Variants in KIRREL1 observed in about 807,000 individuals in gnomAD.
The protein encoded by KIRREL1 is kirre like nephrin family adhesion molecule 1.
KIRREL1 carries 25 observed loss-of-function variants against 83.3 expected under a neutral mutation model. The ratio of observed to expected loss-of-function variants is 0.30; its 90% CI spans 0.22 to 0.42. KIRREL1 has a LOEUF of 0.42. KIRREL1 is among the 10% of genes least tolerant of loss of function. The pLI, the probability that KIRREL1 is intolerant of heterozygous loss-of-function variation, is 1.00. For synonymous variants in KIRREL1, 388 were observed against 410.4 expected, an observed-to-expected ratio of 0.95 and a Z score of 0.66; for missense variants, 812 against 1,032.3, an observed-to-expected ratio of 0.79 and a Z score of 2.92.
In KIRREL1 at chr1:157,998,851, C is replaced by T. The variant is rs147920892; in HGVS notation, c.52+5123C>T. ...GTAGGAGGTGAACTCCATACCAAAG[C>T]ATCAAAATTACCTTTTATTGAATTC... On this transcript the variant is annotated intron_variant, in intron 1 of 14. Transcript: ENST00000359209. Among the ~76,000 whole-genome samples the T allele has an allele frequency of 3.0e-3, 455 of 152,310 alleles. 1 individual carries two copies. Among genetic ancestry groups the T allele is most frequent in the African/African-American group, 0.011 (437 of 41,556 alleles).
intron 5 of KIRREL1, among the ~76,000 whole-genome samples, chr1:158,087,177 A>T (rs1662041219): frequency 6.6e-6 from 1 of 152,128 alleles, no homozygotes; most frequent in African/African-American, 2.4e-5. Flanking sequence ...TGACTATGGG[A>T]TGTGGCCCAG....
chr1:158,089,153 A>G, intron 8 of KIRREL1, among the ~76,000 whole-genome samples: 1 of 152,180 alleles, frequency 6.6e-6, no homozygotes, highest in East Asian at 1.9e-4. Context: ...TTGGGCCAGA[A>G]CTACAGGAAG....
chr1:158,038,704 T>C (rs1413111586), intron 1 of KIRREL1, among the ~76,000 whole-genome samples: 1 of 152,104 alleles, frequency 6.6e-6, no homozygotes, highest in Non-Finnish European at 1.5e-5. Context: ...TCTCACAAAC[T>C]GACGACTGAA....
intron 10 of KIRREL1, among the ~76,000 whole-genome samples, chr1:158,090,599 C>G (rs956507406): frequency 1.5e-4 from 23 of 152,286 alleles, no homozygotes; most frequent in African/African-American, 5.1e-4. Context: ...GCTGCTCCCC[C>G]TCCCTTAGGC....
At chr1:158,061,376 G>T (rs1199952259) in intron 1 of KIRREL1, among the ~76,000 whole-genome samples, 2 of 152,176 alleles carry the variant, frequency 1.3e-5, no homozygotes, top group African/African-American at 2.4e-5. Context: ...GAGGCGGAGG[G>T]ATGAGAGATC....
chr1:157,994,095 T>G (rs984654575), intron 1 of KIRREL1, among the ~76,000 whole-genome samples: 2 of 152,124 alleles, frequency 1.3e-5, no homozygotes, highest in Non-Finnish European at 2.9e-5. Context: ...GACGCCTGAG[T>G]CCAGCCTAAG....
chr1:157,999,040 C>T (rs1262564298), intron 1 of KIRREL1, among the ~76,000 whole-genome samples: 1 of 152,116 alleles, frequency 6.6e-6, no homozygotes, highest in Non-Finnish European at 1.5e-5. Context: ...TTCAGCCTGC[C>T]TAGAAGAGCC....
chr1:158,071,963 C>T (rs368794211), intron 1 of KIRREL1, among the ~76,000 whole-genome samples: 44 of 152,170 alleles, frequency 2.9e-4, no homozygotes, highest in African/African-American at 1.0e-3. Context: ...CCCCTTCCTG[C>T]TAACTGATCA....
rs1662298382 is a variant in KIRREL1 at position 158,094,486 on chromosome 1, G to A, written c.1797+96G>A. 1.4e-5 allele frequency: 19 copies of A among 1,375,136 alleles called. No homozygotes were observed. The South Asian group carries it at 1.7e-4, about 12-fold the overall frequency. The allele number at this position is 1,375,136 out of a possible 1,614,324, so 85.2% of individuals were successfully genotyped here. On this transcript the variant is annotated intron_variant, in intron 14 of 14. Coordinates refer to ENST00000359209, the MANE Select transcript of KIRREL1 (RefSeq NM_018240.7). The surrounding 1 kb of genome is among the most constrained non-coding windows in gnomAD (Gnocchi z 4.6). ...GAGGTGAGGTGAGGACAGACTTGGG[G>A]AGGAGTGGTTGGGAGGGTTTTTGAA...
intron 1 of KIRREL1, among the ~76,000 whole-genome samples, chr1:158,000,165 T>C (rs980616040): frequency 6.6e-6 from 1 of 152,106 alleles, no homozygotes; most frequent in African/African-American, 2.4e-5. Flanking sequence ...ACTGCATGCA[T>C]ATGCATATGC....
chr1:158,002,536 A>T (rs904516822), intron 1 of KIRREL1, among the ~76,000 whole-genome samples: 1 of 152,206 alleles, frequency 6.6e-6, no homozygotes, highest in Non-Finnish European at 1.5e-5. Context: ...TGTTCAACTT[A>T]TGAGCATTGT....
At chr1:158,024,021 A>G (rs141468981) in intron 1 of KIRREL1, among the ~76,000 whole-genome samples, 366 of 151,584 alleles carry the variant, frequency 2.4e-3, no homozygotes, top group African/African-American at 8.4e-3. Flanking sequence ...GATCTCGGCT[A>G]ACCACAACCT....
intron 1 of KIRREL1, among the ~76,000 whole-genome samples, chr1:158,044,963 CA>C: frequency 6.6e-6 from 1 of 152,130 alleles, no homozygotes; most frequent in African/African-American, 2.4e-5. Context: ...GGCAGTGGTC[CA>C]ATTTTAAGTA....
At chr1:158,077,633 C>T (rs186683777) in intron 2 of KIRREL1, among the ~76,000 whole-genome samples, 216 of 152,342 alleles carry the variant, frequency 1.4e-3, no homozygotes, top group African/African-American at 4.9e-3. Flanking sequence ...CCTATATTTC[C>T]TGGCGCCCAC....
intron 1 of KIRREL1, among the ~76,000 whole-genome samples, chr1:158,018,538 T>C (rs1659904262): frequency 6.6e-6 from 1 of 152,110 alleles, no homozygotes; most frequent in African/African-American, 2.4e-5. Context: ...TTCTAATTGG[T>C]CAGCTGCTCT....
At chr1:158,083,732 G>C (rs1019922436) in intron 3 of KIRREL1, among the ~76,000 whole-genome samples, 1 of 152,174 alleles carries the variant, frequency 6.6e-6, no homozygotes, top group African/African-American at 2.4e-5. Context: ...ACCTTTCCGA[G>C]CCAGACTCCC....
chr1:158,080,776 C>T (rs1044073178), intron 3 of KIRREL1, among the ~76,000 whole-genome samples: 1 of 152,328 alleles, frequency 6.6e-6, no homozygotes, highest in East Asian at 1.9e-4. Flanking sequence ...ACTCTTTCCT[C>T]TCCTTGTCTT....
chr1:158,078,332 G>A (rs1257631362), intron 3 of KIRREL1, among the ~76,000 whole-genome samples, 192 bp downstream of exon 3: 1 of 152,188 alleles, frequency 6.6e-6, no homozygotes, highest in Non-Finnish European at 1.5e-5. Context: ...GGTGCTGGCG[G>A]GACGTGAGCT....
intron 3 of KIRREL1, among the ~76,000 whole-genome samples, chr1:158,084,131 AAAAC>A (rs1006821458): frequency 3.9e-5 from 6 of 152,250 alleles, no homozygotes; most frequent in South Asian, 4.1e-4. Flanking sequence ...CTCCATCTCA[AAAAC>A]AAACAAACAA....
Sources: gnomAD v4.1 joint callset for allele counts (sites outside exome capture counted in the v4.1 genomes callset) on GRCh38, gnomAD v4.1.1 for gene constraint, Gnocchi (gnomAD v3.1) non-coding constraint, MANE v1.5 for transcripts, NCBI Gene and HGNC (gene_info 2026-07-23, HGNC 2026-07-21) for gene names.